UCK1: variants seen among roughly 807,000 people sequenced by gnomAD.
UCK1 encodes uridine-cytidine kinase 1.
UCK1 carries 20 observed loss-of-function variants against 34.0 expected under a neutral mutation model. The ratio of observed to expected loss-of-function variants is 0.59; its 90% CI spans 0.41 to 0.86. The LOEUF (loss-of-function observed/expected upper bound fraction) is 0.86, where lower values mean the gene tolerates loss of function less well. UCK1 is among the 40% of genes least tolerant of loss of function. The pLI is 0.00. For synonymous variants in UCK1, 168 were observed against 155.9 expected (o/e 1.08, Z -0.58); for missense variants, 343 against 383.6 (o/e 0.89, Z 0.88).
chr9:131,527,119 A>G (rs1291009408), intron 5 of UCK1, among the ~76,000 whole-genome samples: 1 of 149,552 alleles, frequency 6.7e-6, no homozygotes, highest in Non-Finnish European at 1.5e-5. Flanking sequence ...GGAGTTTGAG[A>G]CCAGCCCAGC....
At chr9:131,530,420 C>G (rs750730640) in intron 2 of UCK1, 66 bp downstream of exon 2, 1 of 1,590,952 alleles carries the variant, frequency 6.3e-7, no homozygotes, top group Non-Finnish European at 8.6e-7. Context: ...TGGGCCCAAG[C>G]GCAGCTGGTT....
At position 131,529,476 on chromosome 9, in the gene UCK1, C is replaced by T; in HGVS notation, c.365+12G>A. The T allele has an allele frequency of 6.2e-7, 1 of 1,614,172 alleles. No individual in the cohort carries two copies. The highest frequency in any genetic ancestry group is 2.2e-5 in the East Asian group (1 of 44,874). ...CCCCTCTCCTCGGCCCTCCCTAGAA[C>T]CACCTGCTTACCTTGAGTGTGTCAC... On this transcript the variant is annotated intron_variant, in intron 3 of 6. Coordinates refer to ENST00000372215, the MANE Select transcript of UCK1 (RefSeq NM_031432.5).
Position 131,525,190 on chromosome 9 carries a change from C to T in UCK1, c.684G>A (p.Gln228=). The T allele has an allele frequency of 1.2e-6, 2 of 1,614,106 alleles. No individual in the cohort carries two copies. The highest frequency in any genetic ancestry group is 1.7e-6 in the Non-Finnish European group (2 of 1,180,038). ...TGCAGATGTCACCATTCAGAATGTC[C>T]TGGATGTGCTGCACGATCAGGTTGA... The part of the protein sequence containing the change: ...VAINLIVQHI[Q]DILNGDICKW... The change falls in exon 7 of 7, where the codon CAG becomes CAA. Residue 228 remains glutamine (Q), a synonymous_variant. Coordinates refer to ENST00000372215, the MANE Select transcript of UCK1 (RefSeq NM_031432.5).
intron 6 of UCK1, 66 bp from the exon 7 acceptor site, chr9:131,525,287 C>G (rs1396229558): frequency 2.5e-6 from 4 of 1,602,532 alleles, no homozygotes; most frequent in South Asian, 1.1e-5. Flanking sequence ...CGCCCCTCCC[C>G]GCAGCACTCG....
intron 5 of UCK1, chr9:131,528,724 G>T: frequency 1.7e-6 from 1 of 602,428 alleles, no homozygotes; most frequent in Non-Finnish European, 2.9e-6. Flanking sequence ...TGTGAATGTG[G>T]GGGAGATATG....
intron 6 of UCK1, 124 bp downstream of exon 6, chr9:131,525,805 C>CCGCA: frequency 9.7e-7 from 1 of 1,026,260 alleles, no homozygotes; most frequent in Non-Finnish European, 1.5e-6. Flanking sequence ...TAACCCTGTG[C>CCGCA]CGCAGATCAA....
chr9:131,526,638 C>T, intron 5 of UCK1: 1 of 681,076 alleles, frequency 1.5e-6, no homozygotes, highest in Admixed American at 2.3e-5. Flanking sequence ...CTGAATCAGA[C>T]AAAGCTGAGG....
At position 131,528,962 on chromosome 9, in the gene UCK1, G is replaced by A. The variant is rs1950718024; in HGVS notation, c.585C>T (p.Phe195=). The change falls in exon 5 of 7, where the codon TTC becomes TTT. Residue 195 remains phenylalanine (F), a synonymous_variant. Transcript: ENST00000372215. The part of the protein sequence containing the change: ...TQYTTFVKPA[F]EEFCLPTKKY... ...CAGGTACCGGCAGGCAGAACTCCTCGAAGGCCGGCTTCACGAAGGTGGTGT... is the reference window on the plus strand; with the variant it reads ...CAGGTACCGGCAGGCAGAACTCCTCAAAGGCCGGCTTCACGAAGGTGGTGT... The A allele has an allele frequency of 1.1e-5, 17 of 1,614,098 alleles. No homozygotes were observed. The highest frequency in any genetic ancestry group is 3.3e-5 in the South Asian group (3 of 91,070).
chr9:131,528,571 G>C (rs1475812934), intron 5 of UCK1, among the ~76,000 whole-genome samples: 3 of 152,158 alleles, frequency 2.0e-5, no homozygotes, highest in African/African-American at 7.2e-5. Context: ...ACTCTGCGGG[G>C]AATAAGCACC....
intron 5 of UCK1, chr9:131,526,207 TC>T: frequency 1.5e-6 from 1 of 664,960 alleles, no homozygotes; most frequent in South Asian, 1.9e-5. Flanking sequence ...AAGTGCCTCT[TC>T]CAGTGTCCCC....
Position 131,530,370 on chromosome 9 carries a change from T to G in UCK1, c.268+116A>C, listed in dbSNP as rs1950785170. 3 of 1,274,122 alleles carry G rather than the reference T, an allele frequency of 2.4e-6. No homozygotes were observed. In the East Asian group the frequency reaches 7.0e-5, roughly 30 times the overall value. The allele number at this position is 1,274,122 out of a possible 1,614,324, so 78.9% of individuals were successfully genotyped here. On this transcript the variant is annotated intron_variant, in intron 2 of 6. Transcript: ENST00000372215. ...ACTCCACTGCAGGCTGCGTGGCGAG[T>G]TGGGGGAACAGCCCAAGCGGGTCTG...
Position 131,529,490 on chromosome 9 carries a change from T to C in UCK1, c.363A>G (p.Ser121=). 1.9e-6 allele frequency: 3 copies of C among 1,614,072 alleles called. No homozygotes were observed. The highest frequency in any genetic ancestry group is 2.5e-6 in the Non-Finnish European group (3 of 1,179,996). ...EVPTYDFVTH[S]RLPETTVVYP... ...CCTCCCTAGAACCACCTGCTTACCT[T>C]GAGTGTGTCACAAAATCATAGGTCG... Residue 121 remains serine, a splice_region_variant and synonymous_variant, in exon 3 of 7, where the codon TCA becomes TCG. Coordinates refer to ENST00000372215, the MANE Select transcript of UCK1 (RefSeq NM_031432.5).
intron 5 of UCK1, 65 bp downstream of exon 5, chr9:131,528,879 A>C: frequency 6.3e-7 from 1 of 1,582,848 alleles, no homozygotes; most frequent in South Asian, 1.1e-5. Flanking sequence ...GCCCTCTCAC[A>C]GTACTGGGTC....
Position 131,525,227 on chromosome 9 carries a change from C to T in UCK1, c.653-6G>A, listed in dbSNP as rs1291605856. ...CACGATCAGGTTGATGGCAACTGCG[C>T]CAAGAGACAGACAAGCAGCGGGTTA... On this transcript the variant is annotated splice_polypyrimidine_tract_variant and splice_region_variant and intron_variant, in intron 6 of 6. Coordinates refer to ENST00000372215, the MANE Select transcript of UCK1 (RefSeq NM_031432.5). The T allele has an allele frequency of 6.2e-7, 1 of 1,613,518 alleles. No individual in the cohort carries two copies. Among genetic ancestry groups the T allele is most frequent in the South Asian group, 1.1e-5 (1 of 91,064 alleles).
At position 131,524,851 on chromosome 9, in the gene UCK1, T is replaced by A; in HGVS notation, c.*189A>T. On this transcript the variant is annotated 3_prime_UTR_variant, in exon 7 of 7. Transcript: ENST00000372215. ...AGTGGCTGAAAACCTCAGGAACGCC[T>A]GTCAGTGTCCCAGCAAGTTGAGTCT... 4 of 652,376 alleles carry A rather than the reference T, an allele frequency of 6.1e-6. No individual in the cohort carries two copies. The East Asian group carries it at 1.2e-4, about 19-fold the overall frequency. The allele number at this position is 652,376 out of a possible 1,614,324, so 40.4% of individuals were successfully genotyped here.
intron 1 of UCK1, 98 bp from the exon 2 acceptor site, chr9:131,530,743 G>C: frequency 6.2e-7 from 1 of 1,608,726 alleles, no homozygotes. Flanking sequence ...CCCCCTGGGG[G>C]GTATGCTCGG....
At chr9:131,525,893 G>A (rs765591067) in intron 6 of UCK1, 36 bp downstream of exon 6, 1 of 1,608,824 alleles carries the variant, frequency 6.2e-7, no homozygotes, top group Non-Finnish European at 8.5e-7. Context: ...AGCTCTGGGA[G>A]GGGCGGGGGG....
Position 131,530,640 on chromosome 9 carries a change from G to C in UCK1, c.114C>G (p.Thr38=), listed in dbSNP as rs147318514. ...GCAACTCCATGATCTTCTCACACAC[G>C]GTCGACTGGAGACACAGAAGCGGGA... ...VSGGTASGKS[T]VCEKIMELLG... The change falls in exon 2 of 7, where the codon ACC becomes ACG. Residue 38 remains threonine (T), a synonymous_variant. Transcript: ENST00000372215. 1.3e-5 allele frequency: 21 copies of C among 1,614,088 alleles called. No homozygotes were observed. The Middle Eastern group carries it at 9.9e-4, about 76-fold the overall frequency.
At chr9:131,530,912 C>A (rs1255959306) in intron 1 of UCK1, among the ~76,000 whole-genome samples, 155 bp downstream of exon 1, 1 of 152,000 alleles carries the variant, frequency 6.6e-6, no homozygotes, top group African/African-American at 2.4e-5. Flanking sequence ...CCGCCCCAGC[C>A]CGCCCCGGCC....
Sources: allele counts gnomAD v4.1 joint callset (sites outside exome capture counted in the v4.1 genomes callset), GRCh38; gene constraint gnomAD v4.1.1; transcripts MANE v1.5; gene names NCBI Gene and HGNC (gene_info 2026-07-23, HGNC 2026-07-21).